The following GRIP2 variants were observed in gnomAD, a reference collection of about 807,000 sequenced individuals.
GRIP2 encodes glutamate receptor interacting protein 2, also known as glutamate receptor-interacting protein 2.
Under a neutral mutation model 108.3 loss-of-function variants are expected in GRIP2, and 58 were observed. The observed-to-expected ratio is 0.54, with a 90% CI of 0.43 to 0.67. The LOEUF (loss-of-function observed/expected upper bound fraction) is 0.67, where lower values mean the gene tolerates loss of function less well. GRIP2 is among the 30% of genes least tolerant of loss of function. The pLI is 0.00. For missense variants in GRIP2, 1,278 were observed against 1,430.6 expected, an observed-to-expected ratio of 0.89 and a Z score of 1.72; for synonymous variants, 586 against 598.2, an observed-to-expected ratio of 0.98 and a Z score of 0.30.
intron 1 of GRIP2, among the ~76,000 whole-genome samples, chr3:14,527,885 G>A (rs549280273): frequency 2.6e-5 from 4 of 152,124 alleles, no homozygotes; most frequent in African/African-American, 9.6e-5. Flanking sequence ...GACAGAGTGA[G>A]ACTCCATCTC....
chr3:14,566,254 A>G, the GRIP2 span, among the ~76,000 whole-genome samples: 1 of 152,262 alleles, frequency 6.6e-6, no homozygotes, highest in Non-Finnish European at 1.5e-5. Flanking sequence ...AGACAAGATC[A>G]CAGAGCCACA....
chr3:14,531,172 T>C (rs778887855), intron 1 of GRIP2: 1 of 152,264 alleles, frequency 6.6e-6, no homozygotes, highest in Non-Finnish European at 1.5e-5. Context: ...AATCATATCA[T>C]CTGTGAAAAT....
intron 8 of GRIP2, 21 bp from the exon 9 acceptor site, chr3:14,520,300 A>T (rs1364580372): frequency 6.2e-7 from 1 of 1,611,946 alleles, no homozygotes; most frequent in Admixed American, 1.7e-5. Context: ...AGGGGAGTGA[A>T]GGCGGAGGCT....
chr3:14,541,052 C>T (rs1048246741), upstream of GRIP2, among the ~76,000 whole-genome samples: 14 of 152,264 alleles, frequency 9.2e-5, no homozygotes, highest in African/African-American at 3.1e-4. Context: ...GCTCCAGCCA[C>T]ACCTGGCAGG....
At chr3:14,561,737 A>G in the GRIP2 span, among the ~76,000 whole-genome samples, 1 of 152,126 alleles carries the variant, frequency 6.6e-6, no homozygotes, top group East Asian at 1.9e-4. Flanking sequence ...TTTCTTCCCC[A>G]CGGGCCAAGT....
the GRIP2 span, among the ~76,000 whole-genome samples, chr3:14,580,574 A>G: frequency 6.6e-6 from 1 of 152,144 alleles, no homozygotes; most frequent in Non-Finnish European, 1.5e-5. Flanking sequence ...CCCATGCCTG[A>G]GCTTCCAACT....
the GRIP2 span, among the ~76,000 whole-genome samples, chr3:14,600,232 C>A: frequency 6.6e-6 from 1 of 152,126 alleles, no homozygotes; most frequent in African/African-American, 2.4e-5. Flanking sequence ...ATCATTTCTC[C>A]AAATCTGAAG....
At chr3:14,568,010 T>C in the GRIP2 span, among the ~76,000 whole-genome samples, 1 of 152,074 alleles carries the variant, frequency 6.6e-6, no homozygotes, top group Non-Finnish European at 1.5e-5. Context: ...AGGCCCTGGT[T>C]TGAGGCCCAG....
chr3:14,499,317 C>A (rs1377826964), intron 21 of GRIP2, among the ~76,000 whole-genome samples: 1 of 152,162 alleles, frequency 6.6e-6, no homozygotes, highest in Admixed American at 6.5e-5. Context: ...GGGAAGGGAC[C>A]ACAGCTGGAA....
At chr3:14,562,540 G>A in the GRIP2 span, among the ~76,000 whole-genome samples, 1 of 152,230 alleles carries the variant, frequency 6.6e-6, no homozygotes, top group Non-Finnish European at 1.5e-5. Flanking sequence ...AATGAAGCAC[G>A]TTTCCTGTGT....
At chr3:14,536,883 G>A (rs895566488) in intron 1 of GRIP2, among the ~76,000 whole-genome samples, 6 of 152,132 alleles carry the variant, frequency 3.9e-5, no homozygotes, top group Non-Finnish European at 5.9e-5. Flanking sequence ...GTCAGTCCCC[G>A]GTCCCCTGAC....
At chr3:14,569,652 C>T in the GRIP2 span, among the ~76,000 whole-genome samples, 2 of 152,264 alleles carry the variant, frequency 1.3e-5, no homozygotes, top group South Asian at 4.1e-4. Flanking sequence ...ATTTTAACAC[C>T]AGCCACACAC....
At chr3:14,594,268 C>G in the GRIP2 span, among the ~76,000 whole-genome samples, 1 of 152,240 alleles carries the variant, frequency 6.6e-6, no homozygotes, top group East Asian at 1.9e-4. Context: ...TTGCTAAACA[C>G]TGGGCCAGTC....
upstream of GRIP2, among the ~76,000 whole-genome samples, chr3:14,558,183 G>A (rs1306425705): frequency 1.3e-5 from 2 of 152,232 alleles, no homozygotes; most frequent in Admixed American, 1.3e-4. Context: ...CTGAAGCTCA[G>A]AGAGGTGCGG....
At chr3:14,545,906 T>C (rs1411644622), upstream of GRIP2, among the ~76,000 whole-genome samples, 2 of 152,138 alleles carry the variant, frequency 1.3e-5, no homozygotes, top group Non-Finnish European at 2.9e-5. Flanking sequence ...GACCCTCCTT[T>C]CTTAGAGCTT....
At chr3:14,553,819 C>T (rs1290077509) in intron 1 of GRIP2, among the ~76,000 whole-genome samples, 4 of 152,168 alleles carry the variant, frequency 2.6e-5, no homozygotes, top group South Asian at 2.1e-4. Context: ...GTTTCATTTT[C>T]GTGAATGTGC....
At chr3:14,532,187 C>G (rs1223881195) in intron 1 of GRIP2, among the ~76,000 whole-genome samples, 1 of 152,260 alleles carries the variant, frequency 6.6e-6, no homozygotes, top group African/African-American at 2.4e-5. Context: ...ACGCGCCCTC[C>G]CATCCTCAGC....
chr3:14,519,160 A>G lies in GRIP2; in HGVS notation c.1030+950T>C, dbSNP rs552477687. ...TGACGCTGTTTCAAGCCCTAATGTC[A>G]CCCAGACCAGTCCCTGGACTGTGGT... On this transcript the variant is annotated intron_variant, in intron 9 of 23. Transcript: ENST00000621039. Among the ~76,000 whole-genome samples, 136 of 152,256 alleles carry G rather than the reference A, an allele frequency of 8.9e-4. 4 individuals are homozygous for G. The South Asian group carries it at 0.026, about 30-fold the overall frequency.
At chr3:14,586,145 G>A in the GRIP2 span, among the ~76,000 whole-genome samples, 2 of 152,080 alleles carry the variant, frequency 1.3e-5, no homozygotes, top group African/African-American at 4.8e-5. Context: ...TTTCTTCCAG[G>A]TCTTCCCTTG....
Sources: gnomAD v4.1 joint callset for allele counts (sites outside exome capture counted in the v4.1 genomes callset) on GRCh38, gnomAD v4.1.1 for gene constraint, MANE v1.5 for transcripts, NCBI Gene and HGNC (gene_info 2026-07-23, HGNC 2026-07-21) for gene names.